The following RALGAPA2 variants were observed in gnomAD, a reference collection of about 807,000 sequenced individuals.
RALGAPA2 encodes the protein ral GTPase-activating protein subunit alpha-2.
RALGAPA2 carries 139 observed loss-of-function variants against 230.4 expected under a neutral mutation model. The observed-to-expected ratio is 0.60, with a 90% CI of 0.53 to 0.69. The LOEUF (loss-of-function observed/expected upper bound fraction) is 0.69, where lower values mean the gene tolerates loss of function less well. RALGAPA2 is among the 30% of genes least tolerant of loss of function. The probability of loss-of-function intolerance (pLI) is 0.00; values close to 1 mark genes in which losing one functional copy is unlikely to be tolerated. For synonymous variants in RALGAPA2, 847 were observed against 837.8 expected, an observed-to-expected ratio of 1.01 and a Z score of -0.19; for missense variants, 2,163 against 2,276.0, an observed-to-expected ratio of 0.95 and a Z score of 1.01.
intron 28 of RALGAPA2, among the ~76,000 whole-genome samples, chr20:20,525,563 G>A (rs2063175252): frequency 6.6e-6 from 1 of 152,224 alleles, no homozygotes; most frequent in African/African-American, 2.4e-5. Context: ...GGGGACAAAT[G>A]AAGTTTCCTC....
chr20:20,573,163 A>G, intron 20 of RALGAPA2, 95 bp from the exon 21 acceptor site: 1 of 1,161,836 alleles, frequency 8.6e-7, no homozygotes, highest in Non-Finnish European at 1.2e-6. Flanking sequence ...ATTCAAAGTA[A>G]AATAATTAAG....
At chr20:20,682,387 A>C (rs190976451) in intron 1 of RALGAPA2, among the ~76,000 whole-genome samples, 11 of 152,322 alleles carry the variant, frequency 7.2e-5, no homozygotes, top group African/African-American at 2.6e-4. Flanking sequence ...GTTCCAAGGA[A>C]GAGTTCAGTA....
chr20:20,542,209 G>A (rs1216992833), intron 24 of RALGAPA2, among the ~76,000 whole-genome samples: 1 of 152,166 alleles, frequency 6.6e-6, no homozygotes, highest in Non-Finnish European at 1.5e-5. Flanking sequence ...CAAGGGATGT[G>A]AAGGACCTCT....
At chr20:20,583,378 C>T (rs1032933768) in intron 19 of RALGAPA2, among the ~76,000 whole-genome samples, 152 bp from the exon 20 acceptor site, 11 of 152,102 alleles carry the variant, frequency 7.2e-5, no homozygotes, top group African/African-American at 2.4e-4. Context: ...GAGAGGAGCT[C>T]AAAAAGTGTC....
At chr20:20,608,670 G>A (rs953536690) in intron 14 of RALGAPA2, among the ~76,000 whole-genome samples, 14 of 152,128 alleles carry the variant, frequency 9.2e-5, no homozygotes, top group African/African-American at 3.1e-4. Context: ...ATGTTTTAAC[G>A]GCAGCGTGGG....
At chr20:20,573,873 T>C (rs1207554579) in intron 20 of RALGAPA2, among the ~76,000 whole-genome samples, 2 of 152,242 alleles carry the variant, frequency 1.3e-5, no homozygotes, top group African/African-American at 2.4e-5. Flanking sequence ...TTTTTGGCAA[T>C]TATGAATACA....
chr20:20,572,287 A>C (rs376262644), intron 21 of RALGAPA2, among the ~76,000 whole-genome samples: 1 of 152,096 alleles, frequency 6.6e-6, no homozygotes, highest in Non-Finnish European at 1.5e-5. Context: ...ATACATGTGA[A>C]TGTCAGAACC....
intron 4 of RALGAPA2, among the ~76,000 whole-genome samples, chr20:20,649,954 C>A (rs1190745209): frequency 6.6e-6 from 1 of 152,080 alleles, no homozygotes; most frequent in Non-Finnish European, 1.5e-5. Context: ...AAAATGACTT[C>A]AGAAAAAATT....
chr20:20,465,028 A>G (rs2061384624), intron 37 of RALGAPA2, among the ~76,000 whole-genome samples: 1 of 152,142 alleles, frequency 6.6e-6, no homozygotes, highest in Non-Finnish European at 1.5e-5. Context: ...ACCTTAGGCA[A>G]TTAAGGCCTT....
At chr20:20,528,666 C>A (rs1049236146) in intron 27 of RALGAPA2, among the ~76,000 whole-genome samples, 1 of 152,162 alleles carries the variant, frequency 6.6e-6, no homozygotes, top group African/African-American at 2.4e-5. Flanking sequence ...CCATCTGCTA[C>A]CCCACCATAA....
Position 20,420,984 on chromosome 20 carries a change from A to G in RALGAPA2, c.5496-8836T>C, listed in dbSNP as rs2060264632. Among the ~76,000 whole-genome samples, 4 of 152,330 alleles carry G rather than the reference A, an allele frequency of 2.6e-5. No individual in the cohort carries two copies. In the South Asian group the frequency reaches 6.2e-4, roughly 24 times the overall value. On this transcript the variant is annotated intron_variant, in intron 37 of 39. Transcript: ENST00000202677. The stretch of plus-strand genomic sequence containing the variant: ...AATAACACGTTTTCATTTTTGAGCA[A>G]TGTTTTGAGTAGTGATGAAAGAAAG...
intron 4 of RALGAPA2, among the ~76,000 whole-genome samples, chr20:20,652,878 A>G (rs1385610736): frequency 1.3e-5 from 2 of 152,134 alleles, no homozygotes; most frequent in African/African-American, 2.4e-5. Flanking sequence ...TTTTCAGTCA[A>G]TGATACAGGC....
chr20:20,453,140 C>T (rs939553883), intron 37 of RALGAPA2, among the ~76,000 whole-genome samples: 2 of 152,146 alleles, frequency 1.3e-5, no homozygotes, highest in Non-Finnish European at 2.9e-5. Context: ...TTGTGCCTTC[C>T]TGATAGGATT....
At chr20:20,543,308 G>A (rs954897504) in intron 24 of RALGAPA2, among the ~76,000 whole-genome samples, 5 of 152,134 alleles carry the variant, frequency 3.3e-5, no homozygotes, top group African/African-American at 1.2e-4. Context: ...GCCTCCTAAA[G>A]TGTCGGGATT....
intron 38 of RALGAPA2, among the ~76,000 whole-genome samples, chr20:20,406,326 T>C (rs539684364): frequency 1.3e-5 from 2 of 152,288 alleles, no homozygotes; most frequent in South Asian, 4.2e-4. Context: ...GATGGAATGA[T>C]AGCTGGTAAA....
At chr20:20,643,241 C>A (rs2067102448) in intron 5 of RALGAPA2, among the ~76,000 whole-genome samples, 1 of 152,176 alleles carries the variant, frequency 6.6e-6, no homozygotes, top group Non-Finnish European at 1.5e-5. Context: ...TGGTCCCTAC[C>A]CATACCCAGC....
At chr20:20,595,074 ATTAC>A (rs762584087) in intron 16 of RALGAPA2, among the ~76,000 whole-genome samples, 1 of 152,164 alleles carries the variant, frequency 6.6e-6, no homozygotes, top group African/African-American at 2.4e-5. Flanking sequence ...TCAAATAAGG[ATTAC>A]TTAATTTCAT....
chr20:20,708,458 G>A (rs2147040340), intron 1 of RALGAPA2, among the ~76,000 whole-genome samples: 1 of 152,290 alleles, frequency 6.6e-6, no homozygotes, highest in South Asian at 2.1e-4. Context: ...TCATGGTAGT[G>A]AATGAATCTC....
intron 37 of RALGAPA2, 103 bp from the exon 38 acceptor site, chr20:20,412,251 A>T: frequency 1.4e-6 from 2 of 1,452,152 alleles, no homozygotes. Context: ...CTGTGTAAAA[A>T]AGTATCCTGC....
Sources: allele counts gnomAD v4.1 joint callset (sites outside exome capture counted in the v4.1 genomes callset), GRCh38; gene constraint gnomAD v4.1.1; transcripts MANE v1.5; gene names NCBI Gene and HGNC (gene_info 2026-07-23, HGNC 2026-07-21).